Variants in DLG2 observed in about 807,000 individuals in gnomAD.
The protein encoded by DLG2 is discs large MAGUK scaffold protein 2.
Under a neutral mutation model 132.5 loss-of-function variants are expected in DLG2, and 45 were observed. That is an observed-to-expected ratio of 0.34 (90% confidence interval 0.27 to 0.44). The LOEUF (loss-of-function observed/expected upper bound fraction) is 0.44, where lower values mean the gene tolerates loss of function less well. Ranked by LOEUF, DLG2 falls within the 20% of genes least tolerant of loss-of-function variation. The pLI, the probability that DLG2 is intolerant of heterozygous loss-of-function variation, is 1.00. For synonymous variants in DLG2, 424 were observed against 419.6 expected (o/e 1.01, Z -0.13); for missense variants, 1,045 against 1,196.9 (o/e 0.87, Z 1.87).
At chr11:85,583,872 G>C (rs775552712) in intron 3 of DLG2, among the ~76,000 whole-genome samples, 4 of 152,172 alleles carry the variant, frequency 2.6e-5, no homozygotes, top group Non-Finnish European at 1.5e-5. Context: ...TCTAAGTTGC[G>C]TCACACCACA....
chr11:83,876,998 C>T lies in DLG2; in HGVS notation c.1497-2510G>A, dbSNP rs150308716. Reference sequence around the variant, plus strand: ...ATATTATAAACAGTGCTGCAATGAACATGTTGATATCAATTACTTTTTTCT... The same window carrying T: ...ATATTATAAACAGTGCTGCAATGAATATGTTGATATCAATTACTTTTTTCT... On this transcript the variant is annotated intron_variant, in intron 15 of 27. Coordinates refer to ENST00000376104, the MANE Select transcript of DLG2 (RefSeq NM_001142699.3). Among the ~76,000 whole-genome samples the T allele has an allele frequency of 1.6e-3, 236 of 152,158 alleles. 4 individuals carry two copies. The East Asian group carries it at 0.032, about 20-fold the overall frequency.
chr11:84,745,770 G>C (rs556346978), intron 6 of DLG2, among the ~76,000 whole-genome samples: 1 of 152,274 alleles, frequency 6.6e-6, no homozygotes, highest in Admixed American at 6.5e-5. Flanking sequence ...ATCAATCCTT[G>C]AGTAATATCT....
intron 3 of DLG2, among the ~76,000 whole-genome samples, chr11:85,298,313 T>C (rs1443970293): frequency 1.3e-5 from 2 of 152,254 alleles, no homozygotes; most frequent in East Asian, 3.9e-4. Context: ...TTAATATAGA[T>C]GTAAATTTGT....
intron 6 of DLG2, among the ~76,000 whole-genome samples, chr11:84,981,025 C>T (rs1435660025): frequency 1.3e-5 from 2 of 152,100 alleles, no homozygotes; most frequent in Non-Finnish European, 2.9e-5. Context: ...AGGGTCTCTT[C>T]TTCTGGCTTA....
At chr11:84,565,453 A>G (rs1303035310) in intron 6 of DLG2, among the ~76,000 whole-genome samples, 1 of 152,206 alleles carries the variant, frequency 6.6e-6, no homozygotes, top group Non-Finnish European at 1.5e-5. Flanking sequence ...AGTAACTAGA[A>G]CATAATAGTG....
intron 6 of DLG2, among the ~76,000 whole-genome samples, chr11:84,617,103 T>C (rs1286363702): frequency 6.6e-6 from 1 of 151,758 alleles, no homozygotes; most frequent in African/African-American, 2.4e-5. Context: ...TCAACCAGAT[T>C]AGGTATTTCT....
chr11:85,089,093 C>G (rs565148994), intron 6 of DLG2, among the ~76,000 whole-genome samples: 5 of 152,124 alleles, frequency 3.3e-5, no homozygotes, highest in Non-Finnish European at 5.9e-5. Flanking sequence ...AGTTTGAGAA[C>G]TATTCTTTTG....
chr11:83,706,775 C>A (rs571694008), intron 18 of DLG2, among the ~76,000 whole-genome samples: 1 of 152,108 alleles, frequency 6.6e-6, no homozygotes, highest in Admixed American at 6.5e-5. Flanking sequence ...AGTGGGCTCT[C>A]GGGTAGAAAG....
At chr11:85,576,564 A>C (rs998402729) in intron 3 of DLG2, among the ~76,000 whole-genome samples, 1 of 152,212 alleles carries the variant, frequency 6.6e-6, no homozygotes, top group Non-Finnish European at 1.5e-5. Context: ...AGCAAAAACA[A>C]AGCAACTGTT....
At chr11:84,987,476 A>G (rs928848828) in intron 6 of DLG2, among the ~76,000 whole-genome samples, 1 of 152,186 alleles carries the variant, frequency 6.6e-6, no homozygotes, top group Non-Finnish European at 1.5e-5. Flanking sequence ...GACTAAGCAA[A>G]AAGAACAAAT....
At chr11:83,569,209 T>A (rs1280900673) in intron 19 of DLG2, among the ~76,000 whole-genome samples, 1 of 152,190 alleles carries the variant, frequency 6.6e-6, no homozygotes, top group Admixed American at 6.5e-5. Flanking sequence ...CTGTTTTTTT[T>A]AATTCTGAAT....
At chr11:84,627,515 C>A (rs1276209000) in intron 6 of DLG2, among the ~76,000 whole-genome samples, 1 of 152,176 alleles carries the variant, frequency 6.6e-6, no homozygotes, top group East Asian at 1.9e-4. Flanking sequence ...CAGAGTACTG[C>A]AGCGGAAATT....
intron 5 of DLG2, among the ~76,000 whole-genome samples, chr11:85,126,180 A>T (rs1011780381): frequency 6.6e-6 from 1 of 152,210 alleles, no homozygotes. Flanking sequence ...AAGATAGGGA[A>T]GGTAACACAG....
intron 18 of DLG2, among the ~76,000 whole-genome samples, chr11:83,644,822 G>A (rs2067656666): frequency 6.6e-6 from 1 of 152,046 alleles, no homozygotes; most frequent in Non-Finnish European, 1.5e-5. Context: ...CTCCCTGGTT[G>A]TACATGGATT....
At chr11:84,950,318 A>G (rs2050756788) in intron 6 of DLG2, among the ~76,000 whole-genome samples, 1 of 152,188 alleles carries the variant, frequency 6.6e-6, no homozygotes, top group African/African-American at 2.4e-5. Flanking sequence ...TGTGGGTGTT[A>G]TCTAATTCCA....
chr11:85,087,786 C>G (rs567514029), intron 6 of DLG2, among the ~76,000 whole-genome samples: 1,965 of 135,414 alleles, frequency 0.015, 47 homozygotes, highest in African/African-American at 0.052. Context: ...TGCAGTGAGC[C>G]GAGATTGCGC....
At position 84,423,767 on chromosome 11, in the gene DLG2, C is replaced by T. The variant is rs563459087; in HGVS notation, c.519+110803G>A. 7.3e-4 allele frequency among the ~76,000 whole-genome samples: 111 copies of T among 152,158 alleles called. 1 individual carries two copies. The highest frequency in any genetic ancestry group is 2.6e-3 in the African/African-American group (110 of 41,524). On this transcript the variant is annotated intron_variant, in intron 7 of 27. Transcript: ENST00000376104. ...AGTTCAGAAAGACATGTTCTTTGCT[C>T]AACTAGTGATTCAATTACATAAATT... is the stretch of plus-strand genomic sequence containing the variant.
Position 84,121,541 on chromosome 11 carries a change from A to ATTTTTTTTT in DLG2, c.625-22503_625-22495dup, listed in dbSNP as rs869183421. On this transcript the variant is annotated intron_variant, in intron 9 of 27. Transcript: ENST00000376104. ...TTACTCTCACTTATATTCCTTGCTA[A>ATTTTTTTTT]TTTTTTTTTTTTTTTTTTTTTTTTT... Among the ~76,000 whole-genome samples, 48 of 66,686 alleles carry ATTTTTTTTT rather than the reference A, an allele frequency of 7.2e-4. 3 individuals are homozygous for ATTTTTTTTT. Among genetic ancestry groups the ATTTTTTTTT allele is most frequent in the South Asian group, 1.4e-3 (2 of 1,454 alleles). 43.7% of individuals were successfully genotyped at this position (66,686 alleles called of 152,430 possible). A position where few individuals can be genotyped will look rare whatever the true frequency, so the allele number is the denominator to read the frequency against.
chr11:83,507,761 TATATATATATATATA>T (rs1565536389), intron 21 of DLG2, among the ~76,000 whole-genome samples: 681 of 12,950 alleles, frequency 0.053, 8 homozygotes, highest in African/African-American at 0.14. Flanking sequence ...ATTTTTATTA[TATATATATATATATA>T]TATATATATA....
Sources: allele counts gnomAD v4.1 joint callset (sites outside exome capture counted in the v4.1 genomes callset), GRCh38; gene constraint gnomAD v4.1.1; transcripts MANE v1.5; gene names NCBI Gene and HGNC (gene_info 2026-07-23, HGNC 2026-07-21).